Variants in ERCC6L2 observed in about 807,000 individuals in gnomAD.
ERCC6L2 encodes the protein DNA excision repair protein ERCC-6-like 2.
ERCC6L2 carries 77 observed loss-of-function variants against 132.0 expected under a neutral mutation model. That is an observed-to-expected ratio of 0.58 (90% CI 0.49 to 0.71). The LOEUF is 0.71. ERCC6L2 is among the 30% of genes least tolerant of loss of function. The pLI is 0.00. For synonymous variants in ERCC6L2, 583 were observed against 632.4 expected, an observed-to-expected ratio of 0.92 and a Z score of 1.17; for missense variants, 1,542 against 1,837.6, an observed-to-expected ratio of 0.84 and a Z score of 2.94.
intron 6 of ERCC6L2, among the ~76,000 whole-genome samples, 188 bp downstream of exon 6, chr9:95,916,622 T>C (rs570065893): frequency 6.6e-6 from 1 of 152,214 alleles, no homozygotes; most frequent in East Asian, 1.9e-4. Context: ...TTACTGACTT[T>C]ATTAACCTGT....
At chr9:95,944,831 C>T (rs976668077) in intron 12 of ERCC6L2, among the ~76,000 whole-genome samples, 6 of 151,990 alleles carry the variant, frequency 3.9e-5, no homozygotes, top group African/African-American at 9.7e-5. Flanking sequence ...TTTTTATTAG[C>T]GATTTTCAAA....
intron 19 of ERCC6L2, among the ~76,000 whole-genome samples, chr9:96,028,326 C>G (rs939730568): frequency 1.3e-5 from 2 of 152,152 alleles, no homozygotes; most frequent in African/African-American, 4.8e-5. Context: ...TGAGTAGATG[C>G]CCCATGAGAA....
At chr9:95,989,122 A>C (rs1184014923) in intron 17 of ERCC6L2, among the ~76,000 whole-genome samples, 1 of 152,186 alleles carries the variant, frequency 6.6e-6, no homozygotes, top group African/African-American at 2.4e-5. Context: ...CTTCTCAGCT[A>C]TCCAGATGCT....
At chr9:95,917,261 TATG>T (rs1829644915) in intron 6 of ERCC6L2, among the ~76,000 whole-genome samples, 2 of 152,132 alleles carry the variant, frequency 1.3e-5, no homozygotes, top group Non-Finnish European at 2.9e-5. Context: ...TTCAAGAAAA[TATG>T]AGGAGTGGAC....
rs184825919 is a variant in ERCC6L2 at position 95,941,633 on chromosome 9, T to C, written c.1847+84T>C. ...TGAACTTTTAAGGTTGCTTATACTA[T>C]GACTATGATTAGAAGAAAGGGGGAA... On this transcript the variant is annotated intron_variant, in intron 12 of 18. Transcript: ENST00000653738. 1.2e-4 allele frequency: 118 copies of C among 967,350 alleles called. No homozygotes were observed. The East Asian group carries it at 2.5e-3, about 20-fold the overall frequency. 59.9% of individuals were successfully genotyped at this position (967,350 alleles called of 1,614,324 possible).
chr9:96,010,297 C>T (rs1366991832), intron 18 of ERCC6L2, among the ~76,000 whole-genome samples: 2 of 152,124 alleles, frequency 1.3e-5, no homozygotes, highest in Admixed American at 6.5e-5. Flanking sequence ...CCATCTGAAG[C>T]CACAAAAGAA....
At position 96,013,347 on chromosome 9, in the gene ERCC6L2, G is replaced by T. The variant is rs1834101335; in HGVS notation, c.*144G>T. On this transcript the variant is annotated 3_prime_UTR_variant, in exon 19 of 19. Transcript: ENST00000653738. The stretch of plus-strand genomic sequence containing the variant: ...GCTTTAGGATTTTTTGAAGTCTAAA[G>T]TATTGTCATGGATCTGTTTTTCTTG... The T allele has an allele frequency of 1.7e-6, 1 of 580,800 alleles. No homozygotes were observed. Among genetic ancestry groups the T allele is most frequent in the African/African-American group, 2.0e-5 (1 of 50,888 alleles). 36.0% of individuals were successfully genotyped at this position (580,800 alleles called of 1,614,324 possible). A position where few individuals can be genotyped will look rare whatever the true frequency, so the allele number is the denominator to read the frequency against.
At chr9:95,929,731 A>G (rs1415143688) in intron 11 of ERCC6L2, among the ~76,000 whole-genome samples, 1 of 152,184 alleles carries the variant, frequency 6.6e-6, no homozygotes, top group East Asian at 1.9e-4. Context: ...GCAAGAAGTA[A>G]TTTTTTTCAT....
intron 19 of ERCC6L2, among the ~76,000 whole-genome samples, chr9:96,032,839 C>T (rs1227996816): frequency 1.3e-5 from 2 of 152,216 alleles, no homozygotes; most frequent in East Asian, 1.9e-4. Flanking sequence ...ATCTCAAATT[C>T]TCAAGGCTCC....
At chr9:95,957,663 G>T (rs928187458) in intron 13 of ERCC6L2, among the ~76,000 whole-genome samples, 4 of 151,680 alleles carry the variant, frequency 2.6e-5, no homozygotes, top group East Asian at 1.9e-4. Context: ...AATATACATT[G>T]TGCAGTAGTA....
intron 2 of ERCC6L2, among the ~76,000 whole-genome samples, chr9:95,896,326 G>T (rs1178624745): frequency 6.6e-6 from 1 of 150,478 alleles, no homozygotes; most frequent in East Asian, 1.9e-4. Context: ...ATATTCTGTT[G>T]TATAGTATCT....
intron 17 of ERCC6L2, among the ~76,000 whole-genome samples, chr9:96,002,951 T>C (rs1315330418): frequency 6.6e-6 from 1 of 152,198 alleles, no homozygotes; most frequent in Non-Finnish European, 1.5e-5. Context: ...TTAGAAACTT[T>C]GATATGTCTT....
At chr9:95,933,572 C>T (rs1346068502) in intron 11 of ERCC6L2, among the ~76,000 whole-genome samples, 1 of 152,020 alleles carries the variant, frequency 6.6e-6, no homozygotes, top group African/African-American at 2.4e-5. Flanking sequence ...AGGCCAGGTG[C>T]AGTGGCTCAC....
rs7019505 is a variant in ERCC6L2 at position 95,879,799 on chromosome 9, C to T, written c.47-1070C>T. Among the ~76,000 whole-genome samples the T allele has an allele frequency of 4.1e-3, 618 of 152,276 alleles. 6 individuals carry two copies. Among genetic ancestry groups the T allele is most frequent in the Non-Finnish European group, 6.4e-3 (434 of 68,022 alleles). On this transcript the variant is annotated intron_variant, in intron 1 of 18. Transcript: ENST00000653738. ...TCATGTTGTAGTTATAAATATCTAA[C>T]TGGAGGTCATCAGGAAGACCCTAGG...
chr9:95,895,606 C>A (rs1041430096), intron 2 of ERCC6L2, among the ~76,000 whole-genome samples: 1 of 152,060 alleles, frequency 6.6e-6, no homozygotes, highest in Non-Finnish European at 1.5e-5. Context: ...ACAACAGATA[C>A]CATTGATTTA....
intron 2 of ERCC6L2, among the ~76,000 whole-genome samples, chr9:95,883,309 A>G (rs1205497158): frequency 6.6e-6 from 1 of 152,188 alleles, no homozygotes. Flanking sequence ...ACAGTGCCTG[A>G]TTAAAGCATT....
At chr9:95,992,713 TCAAATCAGC>T (rs531151995) in intron 17 of ERCC6L2, among the ~76,000 whole-genome samples, 41 of 152,308 alleles carry the variant, frequency 2.7e-4, no homozygotes, top group Non-Finnish European at 4.0e-4. Flanking sequence ...TGCCTTCTAA[TCAAATCAGC>T]CTAAGTGGCC....
At chr9:96,019,984 G>C (rs575057083), downstream of ERCC6L2, 7 of 152,418 alleles carry the variant, frequency 4.6e-5, 1 homozygote, top group East Asian at 9.7e-4. Flanking sequence ...AGGAGTTCCA[G>C]ACCAGCCTAA....
chr9:95,985,183 T>C (rs1005470452), intron 17 of ERCC6L2, among the ~76,000 whole-genome samples: 3 of 152,218 alleles, frequency 2.0e-5, no homozygotes, highest in Admixed American at 1.3e-4. Flanking sequence ...CCTGTCACTG[T>C]TGTTACTTAC....
Sources: gnomAD v4.1 joint callset for allele counts (sites outside exome capture counted in the v4.1 genomes callset) on GRCh38, gnomAD v4.1.1 for gene constraint, MANE v1.5 for transcripts, NCBI Gene and HGNC (gene_info 2026-07-23, HGNC 2026-07-21) for gene names.